EXOC1L: variants seen among roughly 807,000 people sequenced by gnomAD.
EXOC1L encodes exocyst complex component 1-like.
In EXOC1L, 10 loss-of-function variants were observed where a neutral mutation model predicts 4.9. That is an observed-to-expected ratio of 2.02 (90% CI 1.25 to 3.43). The LOEUF (loss-of-function observed/expected upper bound fraction) is 3.43, where lower values mean the gene tolerates loss of function less well. Ranked by LOEUF, EXOC1L falls within the 30% of genes most tolerant of loss-of-function variation. The pLI is 0.00. For synonymous variants in EXOC1L, 41 were observed against 20.8 expected, an observed-to-expected ratio of 1.97 and a Z score of -2.63; for missense variants, 114 against 59.4, an observed-to-expected ratio of 1.92 and a Z score of -3.02.
rs191955755 is a variant in EXOC1L, at chr4:55,828,228, A to T, written c.122-3106A>T. On this transcript the variant is annotated intron_variant, in intron 1 of 2. Transcript: ENST00000636125. ...GAGGCTGGCACACAATGTGCACTCA[A>T]ATAGTGTTAGTGCATGAAGGAGTCC... Among the ~76,000 whole-genome samples the T allele has an allele frequency of 5.9e-5, 9 of 152,230 alleles. No homozygotes were observed. In the East Asian group the frequency reaches 1.7e-3, roughly 30 times the overall value.
intron 2 of EXOC1L, 29 bp from the exon 3 acceptor site, chr4:55,837,056 A>G (rs1720182583): frequency 1.1e-5 from 7 of 658,832 alleles, no homozygotes; most frequent in South Asian, 5.0e-5. Context: ...TTGGCTACCA[A>G]CTAAATCATG....
chr4:55,826,805 GTGGCTAAAGACAAT>G (rs1156734597), intron 1 of EXOC1L, among the ~76,000 whole-genome samples: 1 of 152,194 alleles, frequency 6.6e-6, no homozygotes, highest in Non-Finnish European at 1.5e-5. Context: ...TCTTTGGCTT[GTGGCTAAAGACAAT>G]TCTTGGAGAC....
chr4:55,835,800 T>A (rs1720145314), intron 2 of EXOC1L, among the ~76,000 whole-genome samples: 1 of 152,010 alleles, frequency 6.6e-6, no homozygotes, highest in African/African-American at 2.4e-5. Context: ...TCCCACTCTG[T>A]GGGTTGTCTG....
At chr4:55,822,923 A>T (rs939263521) in intron 1 of EXOC1L, among the ~76,000 whole-genome samples, 1 of 151,602 alleles carries the variant, frequency 6.6e-6, no homozygotes, top group Non-Finnish European at 1.5e-5. Flanking sequence ...GCTGAAATAT[A>T]TGTGTATATA....
chr4:55,835,365 G>A (rs1720133605), intron 2 of EXOC1L, among the ~76,000 whole-genome samples: 1 of 151,848 alleles, frequency 6.6e-6, no homozygotes, highest in African/African-American at 2.4e-5. Context: ...CATCTGGGTA[G>A]AAACCCAGGA....
chr4:55,823,536 A>AT (rs1195157847), intron 1 of EXOC1L, among the ~76,000 whole-genome samples: 3 of 152,214 alleles, frequency 2.0e-5, no homozygotes, highest in Non-Finnish European at 4.4e-5. Flanking sequence ...GTTTTAAAAA[A>AT]TTTTCATATA....
intron 2 of EXOC1L, among the ~76,000 whole-genome samples, chr4:55,833,527 T>G (rs925379745): frequency 2.0e-5 from 3 of 151,942 alleles, no homozygotes; most frequent in Non-Finnish European, 4.4e-5. Flanking sequence ...TGCATTTAAT[T>G]TGATCAGAAG....
rs74738865 is a variant in EXOC1L at position 55,834,449 on chromosome 4, A to G, written c.253-2636A>G. 8.2e-3 allele frequency among the ~76,000 whole-genome samples: 1,249 copies of G among 152,096 alleles called. 18 individuals carry two copies. The highest frequency in any genetic ancestry group is 0.029 in the African/African-American group (1,204 of 41,540). On this transcript the variant is annotated intron_variant, in intron 2 of 2. Coordinates refer to ENST00000636125, the MANE Select transcript of EXOC1L (RefSeq NM_001351574.3). ...TCCTGAGATCCCTTTTAGTTCTAGC[A>G]TTCTATCAAAAAAGAGAGAGAAAGA...
Position 55,837,480 on chromosome 4 carries a change from GT to G in EXOC1L, c.*130del, listed in dbSNP as rs745367459. On this transcript the variant is annotated 3_prime_UTR_variant, in exon 3 of 3. Transcript: ENST00000636125. ...TTAAATAAAAATAAAGTAATGCTTT[GT>G]GAATTGCAGTGAAATGCATTTTAAT... The G allele has an allele frequency of 5.9e-5, 26 of 437,874 alleles. No homozygotes were observed. The highest frequency in any genetic ancestry group is 7.7e-5 in the Non-Finnish European group (19 of 248,196). 27.1% of individuals were successfully genotyped at this position (437,874 alleles called of 1,614,324 possible).
At chr4:55,825,094 C>T (rs1719847281) in intron 1 of EXOC1L, among the ~76,000 whole-genome samples, 1 of 152,140 alleles carries the variant, frequency 6.6e-6, no homozygotes, top group South Asian at 2.1e-4. Flanking sequence ...AAAGGGATAG[C>T]TGTAAGGCAT....
At chr4:55,826,660 A>G (rs1482250921) in intron 1 of EXOC1L, among the ~76,000 whole-genome samples, 1 of 152,148 alleles carries the variant, frequency 6.6e-6, no homozygotes, top group African/African-American at 2.4e-5. Context: ...ATATAAACAC[A>G]TTTCTGTTTT....
intron 2 of EXOC1L, among the ~76,000 whole-genome samples, chr4:55,831,732 G>C (rs983462896): frequency 1.1e-4 from 17 of 151,958 alleles, no homozygotes; most frequent in African/African-American, 3.9e-4. Context: ...AGTCAATCCT[G>C]AAAATTTAAA....
At chr4:55,836,873 G>T (rs986800718) in intron 2 of EXOC1L, among the ~76,000 whole-genome samples, 1 of 151,898 alleles carries the variant, frequency 6.6e-6, no homozygotes, top group East Asian at 1.9e-4. Flanking sequence ...AAAAAACATA[G>T]ATGCTTCAAA....
intron 1 of EXOC1L, among the ~76,000 whole-genome samples, chr4:55,825,466 T>C (rs1719855366): frequency 6.6e-6 from 1 of 152,236 alleles, no homozygotes; most frequent in Non-Finnish European, 1.5e-5. Flanking sequence ...AGCTGATAAG[T>C]GACTAATGGA....
intron 1 of EXOC1L, among the ~76,000 whole-genome samples, chr4:55,824,273 T>TCACACACACACA (rs747727307): frequency 6.1e-5 from 9 of 147,176 alleles, no homozygotes; most frequent in African/African-American, 1.2e-4. Context: ...TCTCTCTCTC[T>TCACACACACACA]CACACACACA....
intron 1 of EXOC1L, among the ~76,000 whole-genome samples, chr4:55,830,083 T>A (rs1359935973): frequency 6.6e-6 from 1 of 152,210 alleles, no homozygotes; most frequent in Non-Finnish European, 1.5e-5. Context: ...CCATCTCAAA[T>A]TCTATTTCAT....
chr4:55,829,557 T>C (rs1384317193), intron 1 of EXOC1L, among the ~76,000 whole-genome samples: 1 of 152,198 alleles, frequency 6.6e-6, no homozygotes, highest in Non-Finnish European at 1.5e-5. Context: ...TATTAGTCTT[T>C]TGCTACCAAA....
chr4:55,826,087 A>G (rs1467251133), intron 1 of EXOC1L, among the ~76,000 whole-genome samples: 1 of 132,266 alleles, frequency 7.6e-6, no homozygotes, highest in Non-Finnish European at 1.8e-5. Context: ...CTCCATCTCA[A>G]AAAAAAAAAA....
At chr4:55,827,943 C>T (rs1000557213) in intron 1 of EXOC1L, among the ~76,000 whole-genome samples, 5 of 152,104 alleles carry the variant, frequency 3.3e-5, no homozygotes, top group African/African-American at 4.8e-5. Context: ...GAGACGGAAA[C>T]TTTTTAGTGC....
Sources: gnomAD v4.1 joint callset for allele counts (sites outside exome capture counted in the v4.1 genomes callset) on GRCh38, gnomAD v4.1.1 for gene constraint, MANE v1.5 for transcripts, NCBI Gene and HGNC (gene_info 2026-07-23, HGNC 2026-07-21) for gene names.